The following PRPF39 variants were observed in gnomAD, a reference collection of about 807,000 sequenced individuals.
PRPF39 encodes pre-mRNA-processing factor 39.
Under a neutral mutation model 82.1 loss-of-function variants are expected in PRPF39, and 27 were observed. That is an observed-to-expected ratio of 0.33 (90% CI 0.24 to 0.45). The LOEUF (loss-of-function observed/expected upper bound fraction) is 0.45, where lower values mean the gene tolerates loss of function less well. Among genes scored for constraint, PRPF39 ranks in the 20% least tolerant of loss-of-function variants. PRPF39 has a pLI of 1.00. For synonymous variants in PRPF39, 261 were observed against 256.4 expected, an observed-to-expected ratio of 1.02 and a Z score of -0.17; for missense variants, 581 against 796.9, an observed-to-expected ratio of 0.73 and a Z score of 3.26.
intron 1 of PRPF39, among the ~76,000 whole-genome samples, chr14:45,088,694 T>C (rs1883921125): frequency 6.6e-6 from 1 of 152,226 alleles, no homozygotes. Context: ...AAATAGCATA[T>C]CTTATTATCA....
chr14:45,102,829 C>G (rs1884416803), intron 5 of PRPF39, 133 bp downstream of exon 5: 4 of 862,504 alleles, frequency 4.6e-6, no homozygotes, highest in Non-Finnish European at 6.9e-6. Context: ...TGTTGCTAAT[C>G]ACAACCTACA....
chr14:45,100,255 CAAACAAAA>C, intron 4 of PRPF39, among the ~76,000 whole-genome samples: 1 of 150,014 alleles, frequency 6.7e-6, no homozygotes, highest in South Asian at 2.1e-4. Flanking sequence ...AACAAACAAA[CAAACAAAA>C]CAAAACACAA....
At chr14:45,111,790 C>T (rs894562338) in intron 10 of PRPF39, among the ~76,000 whole-genome samples, 2 of 151,682 alleles carry the variant, frequency 1.3e-5, no homozygotes, top group Non-Finnish European at 2.9e-5. Context: ...AGGTGTGCAC[C>T]ACCACGCCAG....
chr14:45,104,592 G>A (rs151281093), intron 5 of PRPF39, among the ~76,000 whole-genome samples: 1 of 152,134 alleles, frequency 6.6e-6, no homozygotes, highest in African/African-American at 2.4e-5. Context: ...AGGAGGAGGC[G>A]TGTGTTAAAA....
intron 4 of PRPF39, among the ~76,000 whole-genome samples, chr14:45,101,446 T>C (rs1884369244): frequency 6.6e-6 from 1 of 151,884 alleles, no homozygotes; most frequent in South Asian, 2.1e-4. Flanking sequence ...TATTTTAAAA[T>C]ACTTTGTAAC....
chr14:45,097,577 CCA>C (rs1190568427), intron 4 of PRPF39, among the ~76,000 whole-genome samples: 2 of 152,042 alleles, frequency 1.3e-5, no homozygotes, highest in Non-Finnish European at 2.9e-5. Context: ...TTCTAAACTC[CCA>C]CAGTGTATGA....
In PRPF39 at chr14:45,110,430, G is replaced by A; in HGVS notation, c.1304-119G>A. 8.1e-7 allele frequency: 1 copy of A among 1,233,970 alleles called. No homozygotes were observed. The highest frequency in any genetic ancestry group is 1.1e-6 in the Non-Finnish European group (1 of 895,832). 76.4% of individuals were successfully genotyped at this position (1,233,970 alleles called of 1,614,324 possible). A position where few individuals can be genotyped will look rare whatever the true frequency, so the allele number is the denominator to read the frequency against. ...CCATAGGCAGTGTGTAAATATGCAT[G>A]GCTGTTTCCCATTATTAGTTGCTGG... is the stretch of plus-strand genomic sequence containing the variant. On this transcript the variant is annotated intron_variant, in intron 9 of 13. Coordinates refer to ENST00000355765, the MANE Select transcript of PRPF39 (RefSeq NM_017922.4). The surrounding 1 kb of genome is among the most constrained non-coding windows in gnomAD (Gnocchi z 4.0).
intron 1 of PRPF39, among the ~76,000 whole-genome samples, chr14:45,086,706 G>A (rs1360613616): frequency 1.3e-5 from 2 of 152,134 alleles, no homozygotes; most frequent in African/African-American, 4.8e-5. Context: ...CAGGTTCAAG[G>A]GGGACAGCGG....
chr14:45,109,721 G>A lies in PRPF39; in HGVS notation c.1117G>A (p.Val373Met), dbSNP rs1428825164. The A allele has an allele frequency of 1.2e-6, 2 of 1,608,740 alleles. No homozygotes were observed. The highest frequency in any genetic ancestry group is 1.7e-5 in the Admixed American group (1 of 59,250). The change falls in exon 8 of 14, where the codon GTG becomes ATG. Residue 373 changes from valine to methionine, a missense_variant. Transcript: ENST00000355765. The stretch of plus-strand genomic sequence containing the variant: ...TGAAAATGGGACTCATGAACGAGTT[G>A]TGGTTCTCTTTGAAAGATGTGTCAT... ...EIENGTHERV[V>M]VLFERCVISC...
chr14:45,102,866 G>A (rs777207334), intron 5 of PRPF39, among the ~76,000 whole-genome samples, 170 bp downstream of exon 5: 3 of 152,134 alleles, frequency 2.0e-5, no homozygotes, highest in Non-Finnish European at 4.4e-5. Context: ...TTTTTCATAT[G>A]CCTTATGAAA....
At chr14:45,099,061 C>G (rs1884290649) in intron 4 of PRPF39, among the ~76,000 whole-genome samples, 1 of 152,136 alleles carries the variant, frequency 6.6e-6, no homozygotes, top group African/African-American at 2.4e-5. Context: ...AGAATAGATT[C>G]TCTTTCTATA....
At chr14:45,101,140 A>G (rs1306291441) in intron 4 of PRPF39, among the ~76,000 whole-genome samples, 2 of 152,110 alleles carry the variant, frequency 1.3e-5, no homozygotes, top group Non-Finnish European at 2.9e-5. Context: ...TTCTTATATT[A>G]TCTTTCAGGA....
At position 45,084,232 on chromosome 14, in the gene PRPF39, A is replaced by C. The variant is rs572297677; in HGVS notation, c.-37A>C. 1 of 153,098 alleles carries C rather than the reference A, an allele frequency of 6.5e-6. No homozygotes were observed. Among genetic ancestry groups the C allele is most frequent in the African/African-American group, 2.4e-5 (1 of 41,588 alleles). The allele number at this position is 153,098 out of a possible 1,614,324, so 9.5% of individuals were successfully genotyped here. A position where few individuals can be genotyped will look rare whatever the true frequency, so the allele number is the denominator to read the frequency against. ...TCACAGGCTCCGGCTCATGGCATCA[A>C]GTGGCATCCATCATAAGGTCTGCTG... On this transcript the variant is annotated 5_prime_UTR_variant, in exon 1 of 14. Coordinates refer to ENST00000355765, the MANE Select transcript of PRPF39 (RefSeq NM_017922.4).
In PRPF39 at chr14:45,115,798, C is replaced by T. The variant is rs1405192695; in HGVS notation, c.*885C>T. 1.3e-5 allele frequency: 2 copies of T among 157,792 alleles called. No homozygotes were observed. The highest frequency in any genetic ancestry group is 4.8e-5 in the African/African-American group (2 of 41,560). 9.8% of individuals were successfully genotyped at this position (157,792 alleles called of 1,614,324 possible). ...CCTTCTCATTATACAGGCAATCTGT[C>T]CAGATAATTTTACTGGGAGTTACTC... On this transcript the variant is annotated 3_prime_UTR_variant, in exon 14 of 14. Transcript: ENST00000355765.
Position 45,110,944 on chromosome 14 carries a change from C to T in PRPF39, c.1572+127C>T, listed in dbSNP as rs1884678320. 1.0e-6 allele frequency: 1 copy of T among 957,810 alleles called. No individual in the cohort carries two copies. The highest frequency in any genetic ancestry group is 1.5e-6 in the Non-Finnish European group (1 of 661,228). 59.3% of individuals were successfully genotyped at this position (957,810 alleles called of 1,614,324 possible). A position where few individuals can be genotyped will look rare whatever the true frequency, so the allele number is the denominator to read the frequency against. ...AGATTTTATTACTAAATGAGGACAA[C>T]AGTCCCTCTAAACTGATGTTGCCAT... On this transcript the variant is annotated intron_variant, in intron 10 of 13. Coordinates refer to ENST00000355765, the MANE Select transcript of PRPF39 (RefSeq NM_017922.4). This position sits in a 1 kb window ranked among gnomAD's most constrained non-coding sequence, Gnocchi z 4.0.
At chr14:45,091,438 G>A (rs1349395039) in intron 1 of PRPF39, among the ~76,000 whole-genome samples, 1 of 152,116 alleles carries the variant, frequency 6.6e-6, no homozygotes, top group East Asian at 1.9e-4. Context: ...ACCTTTCCTG[G>A]CCATGCTACA....
chr14:45,113,344 A>G (rs970226783), intron 11 of PRPF39, among the ~76,000 whole-genome samples: 2 of 152,250 alleles, frequency 1.3e-5, no homozygotes, highest in Non-Finnish European at 1.5e-5. Context: ...TATATTAGCT[A>G]TCTTGCAGAA....
Position 45,114,515 on chromosome 14 carries a change from G to A in PRPF39, c.1854G>A (p.Lys618=). 6.3e-7 allele frequency: 1 copy of A among 1,582,056 alleles called. No individual in the cohort carries two copies. The part of the protein sequence containing the change: ...AENGSEEPEE[K]KAHTEDTTSS... ...ATAGATCAGAAGAACCAGAGGAAAA[G>A]AAAGCACATACAGAAGATACAACTT... The change falls in exon 13 of 14, where the codon AAG becomes AAA. Residue 618 remains lysine, a synonymous_variant. Transcript: ENST00000355765.
At chr14:45,104,760 C>G (rs1051327478) in intron 5 of PRPF39, among the ~76,000 whole-genome samples, 7 of 152,132 alleles carry the variant, frequency 4.6e-5, no homozygotes, top group Non-Finnish European at 7.4e-5. Flanking sequence ...GTCTAACATC[C>G]AGGTCCAATC....
Sources: allele counts gnomAD v4.1 joint callset (sites outside exome capture counted in the v4.1 genomes callset), GRCh38; gene constraint gnomAD v4.1.1; non-coding constraint Gnocchi (gnomAD v3.1); transcripts MANE v1.5; gene names NCBI Gene and HGNC (gene_info 2026-07-23, HGNC 2026-07-21).